PALD1: variants seen among roughly 807,000 people sequenced by gnomAD.
The protein encoded by PALD1 is paladin.
In PALD1, 57 loss-of-function variants were observed where a neutral mutation model predicts 96.0. The observed-to-expected ratio is 0.59, with a 90% CI of 0.48 to 0.74. The LOEUF (loss-of-function observed/expected upper bound fraction) is 0.74, where lower values mean the gene tolerates loss of function less well. Ranked by LOEUF, PALD1 falls within the 30% of genes least tolerant of loss-of-function variation. The pLI is 0.00. For missense variants in PALD1, 1,063 were observed against 1,143.7 expected (o/e 0.93, Z 1.02); for synonymous variants, 464 against 473.6 (o/e 0.98, Z 0.26).
the PALD1 span, among the ~76,000 whole-genome samples, chr10:70,465,451 C>G: frequency 6.6e-6 from 1 of 152,080 alleles, no homozygotes; most frequent in African/African-American, 2.4e-5. Context: ...GCCCTGGGTT[C>G]CAGGGAGGGA....
the PALD1 span, among the ~76,000 whole-genome samples, chr10:70,469,495 G>A: frequency 2.0e-5 from 3 of 152,182 alleles, no homozygotes; most frequent in Admixed American, 2.0e-4. Flanking sequence ...AAGTGAATGT[G>A]CATTGAATGC....
At chr10:70,564,232 C>G in intron 18 of PALD1, 132 bp from the exon 19 acceptor site, 2 of 926,732 alleles carry the variant, frequency 2.2e-6, no homozygotes, top group Non-Finnish European at 3.2e-6. Context: ...TCCTGTAACC[C>G]AGGTGGAAGC....
chr10:70,537,757 C>T, intron 10 of PALD1, 54 bp from the exon 11 acceptor site: 1 of 1,226,688 alleles, frequency 8.2e-7, no homozygotes, highest in South Asian at 1.2e-5. Flanking sequence ...GGGATGGGGA[C>T]AGGGACAAGA....
rs76438138 is a variant in PALD1, at chr10:70,531,299, A to G, written c.478A>G (p.Ile160Val). ...CTCGGGCTCCTGGCAGGAGTGTGTC[A>G]TCTTCTGTGTGCGGGAGGAACCTGT... ...LQKDGHRECV[I>V]FCVREEPVLF... Residue 160 changes from isoleucine to valine, a missense_variant, in exon 5 of 20, where the codon ATC becomes GTC. By Grantham distance (29) the Ile-to-Val change is conservative. Coordinates refer to ENST00000263563, the MANE Select transcript of PALD1 (RefSeq NM_014431.3). 4.4e-5 allele frequency: 71 copies of G among 1,612,468 alleles called. No homozygotes were observed. In the Admixed American group the frequency reaches 1.1e-3, roughly 26 times the overall value.
chr10:70,488,997 TGGC>T (rs1846058006), intron 1 of PALD1, among the ~76,000 whole-genome samples: 1 of 152,072 alleles, frequency 6.6e-6, no homozygotes, highest in South Asian at 2.1e-4. Context: ...GACCCCGACT[TGGC>T]TGCCGCTGGT....
At chr10:70,473,900 C>CCG (rs894085196), upstream of PALD1, among the ~76,000 whole-genome samples, 33 of 123,786 alleles carry the variant, frequency 2.7e-4, no homozygotes, top group African/African-American at 1.1e-3. Context: ...CACCCCCCCC[C>CCG]CCTCAGCCTC....
At chr10:70,535,386 C>G (rs1254995981) in intron 10 of PALD1, among the ~76,000 whole-genome samples, 2 of 146,742 alleles carry the variant, frequency 1.4e-5, no homozygotes, top group Non-Finnish European at 3.0e-5. Flanking sequence ...CCTCCTTCTC[C>G]TCCCCCCTCT....
chr10:70,527,948 A>G (rs1846905276), intron 2 of PALD1, among the ~76,000 whole-genome samples: 1 of 138,058 alleles, frequency 7.2e-6, no homozygotes, highest in African/African-American at 2.7e-5. Flanking sequence ...ACCCCACAAC[A>G]GGCCCTGGTA....
chr10:70,498,478 T>C (rs1846233575), intron 1 of PALD1, among the ~76,000 whole-genome samples: 1 of 152,064 alleles, frequency 6.6e-6, no homozygotes, highest in Non-Finnish European at 1.5e-5. Context: ...AGGTGAGATC[T>C]TGTGTTGCCC....
At chr10:70,549,990 A>G (rs764209659) in intron 18 of PALD1, among the ~76,000 whole-genome samples, 1 of 152,240 alleles carries the variant, frequency 6.6e-6, no homozygotes, top group Non-Finnish European at 1.5e-5. Context: ...CTGAGCCCCA[A>G]GGCCCCTTGG....
chr10:70,558,719 A>G (rs890367959), intron 18 of PALD1, among the ~76,000 whole-genome samples: 4 of 151,586 alleles, frequency 2.6e-5, no homozygotes, highest in Non-Finnish European at 4.4e-5. Flanking sequence ...TCTTCTTACT[A>G]AAGAAGGTAC....
chr10:70,493,079 G>GC (rs148026442), intron 1 of PALD1, among the ~76,000 whole-genome samples: 5,203 of 152,192 alleles, frequency 0.034, 240 homozygotes, highest in African/African-American at 0.11. Flanking sequence ...CTGGCTGCCT[G>GC]CCCCCCTACC....
the PALD1 span, among the ~76,000 whole-genome samples, chr10:70,462,582 A>C: frequency 6.6e-6 from 1 of 152,256 alleles, no homozygotes; most frequent in Non-Finnish European, 1.5e-5. Context: ...ATGCTTGTGC[A>C]GGGCATGCAC....
intron 1 of PALD1, among the ~76,000 whole-genome samples, chr10:70,508,429 G>A (rs1226802298): frequency 6.6e-6 from 1 of 152,220 alleles, no homozygotes; most frequent in Non-Finnish European, 1.5e-5. Flanking sequence ...GCAGCAGGTT[G>A]GAGAAGGGCT....
At chr10:70,474,326 C>T (rs2132241985), upstream of PALD1, among the ~76,000 whole-genome samples, 1 of 152,088 alleles carries the variant, frequency 6.6e-6, no homozygotes, top group African/African-American at 2.4e-5. Flanking sequence ...TTTGGGCAGC[C>T]GAGGCAGGTG....
At chr10:70,529,208 G>GACCCC in intron 2 of PALD1, 21 bp from the exon 3 acceptor site, 1 of 273,316 alleles carries the variant, frequency 3.7e-6, no homozygotes, top group Admixed American at 5.5e-5. Flanking sequence ...TTTCCATTCT[G>GACCCC]CCCCCCCCCC....
At chr10:70,532,948 T>G (rs1280824134) in intron 6 of PALD1, 47 bp from the exon 7 acceptor site, 2 of 1,542,432 alleles carry the variant, frequency 1.3e-6, no homozygotes, top group Non-Finnish European at 1.8e-6. Flanking sequence ...TGAGGGGGAT[T>G]CCCAGAGTGG....
upstream of PALD1, among the ~76,000 whole-genome samples, chr10:70,476,751 T>G (rs1186591886): frequency 2.0e-5 from 3 of 152,098 alleles, no homozygotes; most frequent in Admixed American, 2.0e-4. Flanking sequence ...TATGGAGACG[T>G]GCCAGGCACT....
At chr10:70,514,174 C>G (rs1014708648) in intron 1 of PALD1, among the ~76,000 whole-genome samples, 1 of 152,210 alleles carries the variant, frequency 6.6e-6, no homozygotes, top group African/African-American at 2.4e-5. Flanking sequence ...GCATGCCCAC[C>G]TTGACTTGTC....
Sources: gnomAD v4.1 joint callset for allele counts (sites outside exome capture counted in the v4.1 genomes callset) on GRCh38, gnomAD v4.1.1 for gene constraint, MANE v1.5 for transcripts, NCBI Gene and HGNC (gene_info 2026-07-23, HGNC 2026-07-21) for gene names.